Variants in DYM observed in about 807,000 individuals in gnomAD.
The protein encoded by DYM is dymeclin, also known as dyggve-Melchior-Clausen syndrome protein.
A neutral mutation model predicts 93.1 loss-of-function variants in DYM; 78 were observed. That is an observed-to-expected ratio of 0.84 (90% CI 0.70 to 1.01). The LOEUF is 1.01. Among genes scored for constraint, DYM ranks in the 50% least tolerant of loss-of-function variants. The pLI, the probability that DYM is intolerant of heterozygous loss-of-function variation, is 0.00. For missense variants in DYM, 789 were observed against 845.0 expected (o/e 0.93, Z 0.82); for synonymous variants, 321 against 319.7 (o/e 1.00, Z -0.04).
chr18:49,220,540 C>G (rs1428653423), intron 13 of DYM, among the ~76,000 whole-genome samples: 3 of 151,010 alleles, frequency 2.0e-5, no homozygotes, highest in Non-Finnish European at 3.0e-5. Flanking sequence ...CAGCATGGTA[C>G]TGGTACCAAA....
rs117704098 is a variant in DYM at position 49,434,935 on chromosome 18, T to C, written c.-53-4488A>G. Among the ~76,000 whole-genome samples, 635 of 152,030 alleles carry C rather than the reference T, an allele frequency of 4.2e-3. 3 individuals are homozygous for C. Among genetic ancestry groups the C allele is most frequent in the Non-Finnish European group, 6.5e-3 (441 of 67,950 alleles). On this transcript the variant is annotated intron_variant, in intron 1 of 17. Coordinates refer to ENST00000675505, the MANE Select transcript of DYM (RefSeq NM_001353214.3). ...AAATTAAAAACTTTTGGGCCAGGTG[T>C]GGTAGCTCATGCCTATAATCCCAGC... is the stretch of plus-strand genomic sequence containing the variant.
chr18:49,215,292 G>A (rs190971831), intron 13 of DYM, among the ~76,000 whole-genome samples: 7 of 152,164 alleles, frequency 4.6e-5, no homozygotes, highest in East Asian at 3.9e-4. Context: ...CAGATTCCTC[G>A]TCAGTCTTAT....
intron 6 of DYM, among the ~76,000 whole-genome samples, chr18:49,361,188 T>G (rs766198510): frequency 6.6e-6 from 1 of 152,208 alleles, no homozygotes; most frequent in Admixed American, 6.5e-5. Flanking sequence ...GAGCTCCGGT[T>G]GAATGGGAAA....
intron 15 of DYM, among the ~76,000 whole-genome samples, chr18:49,144,388 C>A (rs114956978): frequency 6.6e-6 from 1 of 151,986 alleles, no homozygotes. Context: ...TCCCTCTTTA[C>A]GTAAGTTTGC....
intron 12 of DYM, among the ~76,000 whole-genome samples, chr18:49,257,905 G>A (rs2094420582): frequency 1.3e-5 from 2 of 151,676 alleles, no homozygotes; most frequent in Admixed American, 6.6e-5. Context: ...TCTGTACACT[G>A]CTTCTCTTTA....
chr18:49,330,091 T>C (rs1318797160), intron 8 of DYM, among the ~76,000 whole-genome samples: 1 of 152,180 alleles, frequency 6.6e-6, no homozygotes, highest in Non-Finnish European at 1.5e-5. Context: ...AGAATGTCCT[T>C]TTGTTGTTTT....
At chr18:49,419,491 T>C (rs893314254) in intron 2 of DYM, among the ~76,000 whole-genome samples, 6 of 152,216 alleles carry the variant, frequency 3.9e-5, no homozygotes, top group Non-Finnish European at 1.5e-5. Flanking sequence ...TAACAAATTA[T>C]TCCCGTCACT....
intron 8 of DYM, among the ~76,000 whole-genome samples, chr18:49,292,033 C>T (rs2060144564): frequency 6.6e-6 from 1 of 152,094 alleles, no homozygotes; most frequent in Non-Finnish European, 1.5e-5. Context: ...GTTCAATCTG[C>T]AACAAAAATA....
chr18:49,221,527 C>T (rs1243298935), intron 13 of DYM, among the ~76,000 whole-genome samples: 1 of 152,102 alleles, frequency 6.6e-6, no homozygotes, highest in African/African-American at 2.4e-5. Context: ...CAATGATAGA[C>T]TGGATTAAGA....
At chr18:49,091,728 A>ATATTTATT (rs370531625) in intron 17 of DYM, among the ~76,000 whole-genome samples, 16 of 151,888 alleles carry the variant, frequency 1.1e-4, no homozygotes, top group African/African-American at 9.7e-5. Flanking sequence ...CAGTGATTTA[A>ATATTTATT]TATTTATTTA....
intron 15 of DYM, among the ~76,000 whole-genome samples, chr18:49,149,954 G>A (rs1379237169): frequency 6.6e-6 from 1 of 152,080 alleles, no homozygotes; most frequent in African/African-American, 2.4e-5. Flanking sequence ...TGATCTGCCT[G>A]CCTTGGTCTC....
intron 2 of DYM, among the ~76,000 whole-genome samples, chr18:49,399,928 A>ATTTTTATTTTTTT (rs1258036704): frequency 2.1e-5 from 2 of 94,250 alleles, no homozygotes; most frequent in Non-Finnish European, 2.2e-5. Context: ...ATTTATTTTT[A>ATTTTTATTTTTTT]TTTTTCTTTT....
chr18:49,309,082 T>C (rs990021712), intron 8 of DYM, among the ~76,000 whole-genome samples: 2 of 152,238 alleles, frequency 1.3e-5, no homozygotes, highest in Non-Finnish European at 2.9e-5. Flanking sequence ...AGTATTGTTA[T>C]CGCAGAGCTA....
chr18:49,150,993 G>A (rs2085751618), intron 15 of DYM, among the ~76,000 whole-genome samples: 1 of 152,072 alleles, frequency 6.6e-6, no homozygotes, highest in African/African-American at 2.4e-5. Context: ...AATAAATCAA[G>A]AAAATCAACA....
At chr18:49,243,141 A>G (rs1474188948) in intron 13 of DYM, among the ~76,000 whole-genome samples, 2 of 152,142 alleles carry the variant, frequency 1.3e-5, no homozygotes, top group African/African-American at 4.8e-5. Flanking sequence ...TCTCACTGGT[A>G]AGGCTTCCGT....
intron 17 of DYM, among the ~76,000 whole-genome samples, chr18:49,088,986 T>C (rs2078807755): frequency 6.6e-6 from 1 of 152,070 alleles, no homozygotes; most frequent in African/African-American, 2.4e-5. Context: ...TTAGTAGAGA[T>C]GAGGTCTTGT....
At chr18:49,225,197 T>C (rs2093486463) in intron 13 of DYM, among the ~76,000 whole-genome samples, 1 of 152,126 alleles carries the variant, frequency 6.6e-6, no homozygotes, top group African/African-American at 2.4e-5. Flanking sequence ...TTTTGCAAAC[T>C]AAAAATTTAT....
At chr18:49,307,845 AAAG>A (rs1272549400) in intron 8 of DYM, among the ~76,000 whole-genome samples, 1 of 152,210 alleles carries the variant, frequency 6.6e-6, no homozygotes, top group Non-Finnish European at 1.5e-5. Context: ...CATGGAACCA[AAAG>A]AAGGAGGAAA....
chr18:49,135,425 A>G (rs191419256), intron 15 of DYM, among the ~76,000 whole-genome samples: 2 of 152,332 alleles, frequency 1.3e-5, no homozygotes, highest in East Asian at 3.9e-4. Flanking sequence ...TACTGCTTAT[A>G]TGACCGTGGG....
Sources: gnomAD v4.1 joint callset for allele counts (sites outside exome capture counted in the v4.1 genomes callset) on GRCh38, gnomAD v4.1.1 for gene constraint, MANE v1.5 for transcripts, NCBI Gene and HGNC (gene_info 2026-07-23, HGNC 2026-07-21) for gene names.